Variants in PPP1R1C observed in about 807,000 individuals in gnomAD.
PPP1R1C encodes protein phosphatase 1 regulatory inhibitor subunit 1C.
PPP1R1C carries 15 observed loss-of-function variants against 17.4 expected under a neutral mutation model. The observed-to-expected ratio is 0.86, with a 90% CI of 0.58 to 1.33. The LOEUF is 1.33. PPP1R1C is among the 40% of genes most tolerant of loss of function. The pLI is 0.00. For missense variants in PPP1R1C, 143 were observed against 130.0 expected, an observed-to-expected ratio of 1.10 and a Z score of -0.48; for synonymous variants, 35 against 43.1, an observed-to-expected ratio of 0.81 and a Z score of 0.73.
In PPP1R1C at chr2:182,111,694, T is replaced by C. The variant is rs529834862; in HGVS notation, c.242-5513T>C. Among the ~76,000 whole-genome samples, 42 of 151,776 alleles carry C rather than the reference T, an allele frequency of 2.8e-4. 1 individual carries two copies. Among genetic ancestry groups the C allele is most frequent in the Non-Finnish European group, 4.0e-4 (27 of 67,914 alleles). On this transcript the variant is annotated intron_variant, in intron 4 of 4. Transcript: ENST00000682840. Reference sequence around the variant, plus strand: ...GGCCTTTCTGTTTTATATTATAGACTAAATATTATAGATTAAATTATATTG... The same window carrying C: ...GGCCTTTCTGTTTTATATTATAGACCAAATATTATAGATTAAATTATATTG...
intron 2 of PPP1R1C, among the ~76,000 whole-genome samples, chr2:182,033,982 G>A (rs937408439): frequency 6.6e-6 from 1 of 152,162 alleles, no homozygotes; most frequent in African/African-American, 2.4e-5. Context: ...CCTTTGTCAA[G>A]ATTCAGGTTT....
At chr2:181,986,294 C>G in intron 1 of PPP1R1C, 103 bp downstream of exon 1, 1 of 915,014 alleles carries the variant, frequency 1.1e-6, no homozygotes, top group Non-Finnish European at 1.8e-6. Flanking sequence ...TTTGCTAACT[C>G]TGACTTTCAA....
chr2:182,007,627 TG>T (rs1287527115), intron 2 of PPP1R1C, among the ~76,000 whole-genome samples: 1 of 152,208 alleles, frequency 6.6e-6, no homozygotes, highest in Non-Finnish European at 1.5e-5. Flanking sequence ...TAAGGCAATT[TG>T]TCTTTCTTTT....
In PPP1R1C at chr2:182,129,570, A is replaced by T. The variant is rs529664192; in HGVS notation, c.*603A>T. 3.3e-5 allele frequency: 5 copies of T among 152,276 alleles called. No homozygotes were observed. In the South Asian group the frequency reaches 1.0e-3, roughly 32 times the overall value. 9.4% of individuals were successfully genotyped at this position (152,276 alleles called of 1,614,324 possible). On this transcript the variant is annotated 3_prime_UTR_variant, in exon 6 of 6. Transcript: ENST00000280295. Reference sequence around the variant, plus strand: ...CTAGTAAAGATTTATTCAATTATTTATAATTAATTAAGTGGCTTCACCTAT... The same window carrying T: ...CTAGTAAAGATTTATTCAATTATTTTTAATTAATTAAGTGGCTTCACCTAT...
chr2:182,083,811 TCTA>T (rs1688549373), intron 4 of PPP1R1C, among the ~76,000 whole-genome samples: 1 of 152,178 alleles, frequency 6.6e-6, no homozygotes, highest in African/African-American at 2.4e-5. Context: ...AAATGATAGA[TCTA>T]CTATTAGTTC....
chr2:181,996,239 A>G (rs975109521), intron 2 of PPP1R1C, among the ~76,000 whole-genome samples: 2 of 152,170 alleles, frequency 1.3e-5, no homozygotes. Flanking sequence ...GACACCTTAG[A>G]AAAATTGCCT....
chr2:182,053,169 A>G (rs1394782706), intron 2 of PPP1R1C, among the ~76,000 whole-genome samples: 1 of 152,214 alleles, frequency 6.6e-6, no homozygotes, highest in Non-Finnish European at 1.5e-5. Context: ...AGAGTAGGAC[A>G]AAATTAGCTT....
chr2:182,126,913 T>C (rs1689888941), intron 5 of PPP1R1C, among the ~76,000 whole-genome samples: 1 of 152,044 alleles, frequency 6.6e-6, no homozygotes, highest in African/African-American at 2.4e-5. Context: ...ATGAAGTAAA[T>C]TAAAATGATA....
intron 2 of PPP1R1C, among the ~76,000 whole-genome samples, chr2:182,002,929 C>CA (rs1559052186): frequency 7.0e-5 from 8 of 114,524 alleles, no homozygotes; most frequent in East Asian, 2.4e-4. Flanking sequence ...TGCCATAAAC[C>CA]TCCCCCCCCC....
At chr2:182,117,163 G>A in intron 4 of PPP1R1C, 44 bp from the exon 5 acceptor site, 2 of 1,332,102 alleles carry the variant, frequency 1.5e-6, no homozygotes, top group East Asian at 5.0e-5. Context: ...TAATATTCCA[G>A]AAATGAAAAT....
intron 2 of PPP1R1C, among the ~76,000 whole-genome samples, chr2:182,046,740 G>GAAA (rs1213076126): frequency 2.2e-5 from 2 of 89,782 alleles, no homozygotes; most frequent in Non-Finnish European, 4.8e-5. Flanking sequence ...TCTGTCTCAA[G>GAAA]AAAAAAAAAA....
At chr2:182,113,341 A>G (rs551947757) in intron 4 of PPP1R1C, among the ~76,000 whole-genome samples, 2 of 152,292 alleles carry the variant, frequency 1.3e-5, no homozygotes, top group South Asian at 4.1e-4. Context: ...GTCAGGCTCT[A>G]TTGTCCTCTA....
chr2:182,080,955 T>C (rs1224819743), intron 4 of PPP1R1C, among the ~76,000 whole-genome samples: 1 of 152,250 alleles, frequency 6.6e-6, no homozygotes, highest in Non-Finnish European at 1.5e-5. Flanking sequence ...AGCATAGTAC[T>C]ATGCCCCTCA....
chr2:182,007,654 C>T (rs1685959870), intron 2 of PPP1R1C, among the ~76,000 whole-genome samples: 1 of 152,190 alleles, frequency 6.6e-6, no homozygotes, highest in Admixed American at 6.5e-5. Flanking sequence ...GCCATGTTTT[C>T]CCCATTAGGC....
At chr2:182,025,470 G>C (rs1466543877) in intron 2 of PPP1R1C, among the ~76,000 whole-genome samples, 5 of 131,234 alleles carry the variant, frequency 3.8e-5, no homozygotes, top group Non-Finnish European at 6.3e-5. Flanking sequence ...TTGGTTTTTT[G>C]TTCTTGCGAT....
intron 4 of PPP1R1C, among the ~76,000 whole-genome samples, chr2:182,081,899 A>T (rs1442159730): frequency 6.6e-6 from 1 of 152,210 alleles, no homozygotes; most frequent in Non-Finnish European, 1.5e-5. Flanking sequence ...AGTCATAAAT[A>T]TCAGGGAGAA....
At chr2:182,004,551 A>G (rs1043620407) in intron 2 of PPP1R1C, among the ~76,000 whole-genome samples, 6 of 152,256 alleles carry the variant, frequency 3.9e-5, no homozygotes, top group Admixed American at 2.0e-4. Context: ...GCAAAAGCCC[A>G]GAAACATGAC....
At chr2:181,960,886 T>G (rs1444890949) in intron 1 of PPP1R1C, among the ~76,000 whole-genome samples, 1 of 152,240 alleles carries the variant, frequency 6.6e-6, no homozygotes, top group Non-Finnish European at 1.5e-5. Context: ...TGTGCCCGTA[T>G]GAATTACAGA....
chr2:181,975,947 CTGATT>C (rs1472807353), intron 2 of PPP1R1C, among the ~76,000 whole-genome samples: 3 of 151,928 alleles, frequency 2.0e-5, no homozygotes, highest in Admixed American at 1.3e-4. Context: ...TTTAATTTCT[CTGATT>C]TAAGAGAGGG....
Sources: allele counts gnomAD v4.1 joint callset (sites outside exome capture counted in the v4.1 genomes callset), GRCh38; gene constraint gnomAD v4.1.1; transcripts MANE v1.5; gene names NCBI Gene and HGNC (gene_info 2026-07-23, HGNC 2026-07-21).